Variants in SERPINB2 observed in about 807,000 individuals in gnomAD.
The protein encoded by SERPINB2 is serpin family B member 2, also known as plasminogen activator inhibitor 2.
In SERPINB2, 28 loss-of-function variants were observed where a neutral mutation model predicts 39.4. That is an observed-to-expected ratio of 0.71 (90% CI 0.53 to 0.97). The LOEUF (loss-of-function observed/expected upper bound fraction) is 0.97. SERPINB2 is among the 50% of genes least tolerant of loss of function. SERPINB2 has a pLI of 0.00. For synonymous variants in SERPINB2, 209 were observed against 175.1 expected, an observed-to-expected ratio of 1.19 and a Z score of -1.53; for missense variants, 557 against 505.3, an observed-to-expected ratio of 1.10 and a Z score of -0.98.
chr18:63,903,189 A>G lies in SERPINB2; in HGVS notation c.1132A>G (p.Thr378Ala). The change falls in exon 8 of 8, where the codon ACA becomes GCA. Residue 378 changes from threonine to alanine, a missense_variant. Coordinates refer to ENST00000299502, the MANE Select transcript of SERPINB2 (RefSeq NM_002575.3). The stretch of plus-strand genomic sequence containing the variant: ...AGCCGCTGGCACAGGAGGTGTTATG[A>G]CAGGGAGAACTGGACATGGAGGCCC... ...EAAAGTGGVM[T>A]GRTGHGGPQF... The G allele has an allele frequency of 4.3e-6, 7 of 1,613,620 alleles. No homozygotes were observed. Among genetic ancestry groups the G allele is most frequent in the Non-Finnish European group, 5.9e-6 (7 of 1,179,728 alleles).
At chr18:63,890,501 C>G (rs965517815) in intron 1 of SERPINB2, 3 of 152,182 alleles carry the variant, frequency 2.0e-5, no homozygotes, top group African/African-American at 4.8e-5. Flanking sequence ...GCTGGAAAGA[C>G]GATCATTGGT....
At chr18:63,902,632 T>G in intron 7 of SERPINB2, 64 bp downstream of exon 7, 11 of 1,357,488 alleles carry the variant, frequency 8.1e-6, no homozygotes, top group Non-Finnish European at 1.1e-5. Context: ...GAGATGAATA[T>G]ATACTCCTTA....
Position 63,902,583 on chromosome 18 carries a change from T to C in SERPINB2, c.843+15T>C. 1 of 1,574,878 alleles carries C rather than the reference T, an allele frequency of 6.3e-7. No individual in the cohort carries two copies. Reference sequence around the variant, plus strand: ...GCTTGGAGCTGGTAAGACATTCAGATATTTAAGTTTCTGGGGCTATACCTA... The same window carrying C: ...GCTTGGAGCTGGTAAGACATTCAGACATTTAAGTTTCTGGGGCTATACCTA... On this transcript the variant is annotated intron_variant, in intron 7 of 7. Transcript: ENST00000299502.
chr18:63,891,423 T>G lies in SERPINB2; in HGVS notation c.-9-13T>G. 6.2e-7 allele frequency: 1 copy of G among 1,613,344 alleles called. No individual in the cohort carries two copies. Among genetic ancestry groups the G allele is most frequent in the Non-Finnish European group, 8.5e-7 (1 of 1,179,526 alleles). ...TTTCAGAGCTGTTTTTTTCTTCCTC[T>G]CTTTGCTTCTAGATTGAAACAATGG... is the stretch of plus-strand genomic sequence containing the variant. On this transcript the variant is annotated splice_polypyrimidine_tract_variant and intron_variant, in intron 1 of 7. Transcript: ENST00000299502.
chr18:63,899,375 C>T (rs1385111392), intron 5 of SERPINB2, among the ~76,000 whole-genome samples: 2 of 152,134 alleles, frequency 1.3e-5, no homozygotes, highest in African/African-American at 2.4e-5. Context: ...TATGCCCCCA[C>T]AAAAATTTGC....
rs1441811067 is a variant in SERPINB2 at position 63,903,118 on chromosome 18, T to G, written c.1061T>G (p.Val354Gly). 17 of 1,613,726 alleles carry G rather than the reference T, an allele frequency of 1.1e-5. No homozygotes were observed. Among genetic ancestry groups the G allele is most frequent in the Non-Finnish European group, 1.4e-5 (16 of 1,179,778 alleles). Residue 354 changes from valine to glycine, a missense_variant, in exon 8 of 8, where the codon GTG (valine) becomes GGG (glycine). Transcript: ENST00000299502. Reference protein sequence around the residue: ...SERNDLFLSEVFHQAMVDVNE... With the variant: ...SERNDLFLSEGFHQAMVDVNE... ...AGGAATGACCTGTTTCTTTCTGAAG[T>G]GTTCCACCAAGCCATGGTGGATGTG...
At chr18:63,896,776 C>T (rs2332874) in intron 3 of SERPINB2, among the ~76,000 whole-genome samples, 43,572 of 152,066 alleles carry the variant, frequency 0.29, 6,845 homozygotes, top group East Asian at 0.48. Context: ...CTTATAAATA[C>T]AACAAAAATT....
In SERPINB2 at chr18:63,891,552, G is replaced by A. The variant is rs951714915; in HGVS notation, c.108G>A (p.Ser36=). ...QNLFLSPWSI[S]STMAMVYMGS... is the part of the protein sequence containing the mutation. Reference sequence around the variant, plus strand: ...TCTTCCTCTCCCCATGGAGCATCTCGTCCACCATGGCCATGGTCTACATGG... The same window carrying A: ...TCTTCCTCTCCCCATGGAGCATCTCATCCACCATGGCCATGGTCTACATGG... The change falls in exon 2 of 8, where the codon TCG becomes TCA. Residue 36 remains serine, a synonymous_variant. Transcript: ENST00000299502. The A allele has an allele frequency of 1.4e-5, 22 of 1,614,048 alleles. No homozygotes were observed. The East Asian group carries it at 1.6e-4, about 11-fold the overall frequency.
chr18:63,891,632 C>T lies in SERPINB2; in HGVS notation c.168+20C>T. The T allele has an allele frequency of 6.2e-7, 1 of 1,608,310 alleles. No homozygotes were observed. Among genetic ancestry groups the T allele is most frequent in the Admixed American group, 1.7e-5 (1 of 59,438 alleles). On this transcript the variant is annotated intron_variant, in intron 2 of 7. Transcript: ENST00000299502. Reference sequence around the variant, plus strand: ...GCCAAGGTGAGTTTGAGCTGAAGCTCCACATTTGGGCCGAGTAGTTCCTGA... The same window carrying T: ...GCCAAGGTGAGTTTGAGCTGAAGCTTCACATTTGGGCCGAGTAGTTCCTGA...
chr18:63,891,935 T>C (rs2049929330), intron 2 of SERPINB2, among the ~76,000 whole-genome samples: 1 of 152,176 alleles, frequency 6.6e-6, no homozygotes. Flanking sequence ...ACCCATTATC[T>C]CATTCAGTTT....
In SERPINB2 at chr18:63,897,329, C is replaced by T. The variant is rs1160124204; in HGVS notation, c.417+110C>T. The T allele has an allele frequency of 2.3e-6, 3 of 1,324,114 alleles. No homozygotes were observed. The African/African-American group carries it at 4.6e-5, about 20-fold the overall frequency. 82.0% of individuals were successfully genotyped at this position (1,324,114 alleles called of 1,614,324 possible). A position where few individuals can be genotyped will look rare whatever the true frequency, so the allele number is the denominator to read the frequency against. On this transcript the variant is annotated intron_variant, in intron 4 of 7. Coordinates refer to ENST00000299502, the MANE Select transcript of SERPINB2 (RefSeq NM_002575.3). ...TCATAAAAGCAGAGTTGGAATTCCA[C>T]ACCAGCTCCCTAGGGCTGGCCTTGC... is the stretch of plus-strand genomic sequence containing the variant.
At chr18:63,901,623 T>G in intron 5 of SERPINB2, 117 bp from the exon 6 acceptor site, 1 of 694,840 alleles carries the variant, frequency 1.4e-6, no homozygotes, top group Non-Finnish European at 2.2e-6. Context: ...AACTTTAGCT[T>G]GAAGATTAAC....
chr18:63,900,780 CT>C (rs1424827652), intron 5 of SERPINB2, among the ~76,000 whole-genome samples: 12 of 152,054 alleles, frequency 7.9e-5, no homozygotes, highest in African/African-American at 2.7e-4. Flanking sequence ...TAAAACCTGC[CT>C]CCAGAGTCAG....
intron 2 of SERPINB2, 94 bp downstream of exon 2, chr18:63,891,706 A>G: frequency 1.6e-6 from 2 of 1,251,036 alleles, no homozygotes; most frequent in Non-Finnish European, 2.2e-6. Flanking sequence ...ATTTTAACTC[A>G]GGAGGTCAGC....
At chr18:63,902,026 G>C (rs1291119041) in intron 6 of SERPINB2, 144 bp downstream of exon 6, 3 of 800,470 alleles carry the variant, frequency 3.7e-6, no homozygotes, top group Non-Finnish European at 5.8e-6. Flanking sequence ...TTTAGAAACA[G>C]TATAGGTAAA....
intron 5 of SERPINB2, among the ~76,000 whole-genome samples, chr18:63,898,090 T>C (rs947609068): frequency 4.6e-5 from 7 of 152,172 alleles, no homozygotes; most frequent in African/African-American, 9.6e-5. Flanking sequence ...TGCTTGAGGA[T>C]AGAATATGAA....
At chr18:63,890,368 C>G (rs925165532) in intron 1 of SERPINB2, among the ~76,000 whole-genome samples, 1 of 152,114 alleles carries the variant, frequency 6.6e-6, no homozygotes, top group Non-Finnish European at 1.5e-5. Context: ...CTCCCCAGTT[C>G]GGGGAAGGCA....
Position 63,897,207 on chromosome 18 carries a change from G to C in SERPINB2, c.405G>C (p.Ala135=). ...SVNKLFGEKS[A]SFREEYIRLC... ...ATAAGCTGTTTGGTGAGAAGTCTGC[G>C]AGCTTCCGGGAAGTAAGTGAAACCT... The change falls in exon 4 of 8, where the codon GCG becomes GCC. Residue 135 remains alanine (A), a synonymous_variant. Transcript: ENST00000299502. The C allele has an allele frequency of 6.2e-7, 1 of 1,608,574 alleles. No homozygotes were observed. Among genetic ancestry groups the C allele is most frequent in the Non-Finnish European group, 8.5e-7 (1 of 1,177,848 alleles).
rs138446596 is a variant in SERPINB2 at position 63,902,463 on chromosome 18, A to G, written c.738A>G (p.Ile246Met). ...GTGAAAAGCTAAACATTGGATACAT[A>G]GAAGACCTAAAGGCTCAGATTCTAG... ...YLREKLNIGYIEDLKAQILEL... is the reference protein window; with the variant it reads ...YLREKLNIGYMEDLKAQILEL... The change falls in exon 7 of 8, where the codon ATA becomes ATG. Residue 246 changes from isoleucine (I) to methionine (M), a missense_variant. Transcript: ENST00000299502. The G allele has an allele frequency of 2.3e-3, 3,733 of 1,613,644 alleles. 11 individuals are homozygous for G. Among genetic ancestry groups the G allele is most frequent in the South Asian group, 3.2e-3 (294 of 91,072 alleles).
Sources: allele counts gnomAD v4.1 joint callset (sites outside exome capture counted in the v4.1 genomes callset), GRCh38; gene constraint gnomAD v4.1.1; transcripts MANE v1.5; gene names NCBI Gene and HGNC (gene_info 2026-07-23, HGNC 2026-07-21).